The following PC variants were observed in gnomAD, a reference collection of about 807,000 sequenced individuals.
The protein encoded by PC is pyruvate carboxylase, also known as pyruvate carboxylase, mitochondrial.
A neutral mutation model predicts 107.8 loss-of-function variants in PC; 46 were observed. The ratio of observed to expected loss-of-function variants is 0.43; its 90% CI spans 0.34 to 0.55. PC has a LOEUF of 0.55. Ranked by LOEUF, PC falls within the 20% of genes least tolerant of loss-of-function variation. The pLI, the probability that PC is intolerant of heterozygous loss-of-function variation, is 0.04. For missense variants in PC, 1,241 were observed against 1,643.1 expected (o/e 0.76, Z 4.23); for synonymous variants, 662 against 684.7 (o/e 0.97, Z 0.52).
At chr11:66,915,649 C>T (rs1470784365) in intron 3 of PC, among the ~76,000 whole-genome samples, 1 of 152,164 alleles carries the variant, frequency 6.6e-6, no homozygotes, top group Admixed American at 6.5e-5. Context: ...GAGGGGTGTA[C>T]CAGGGCCCTG....
rs1420519270 is a variant in PC at position 66,870,758 on chromosome 11, G to A, written c.751+17C>T. 8.7e-6 allele frequency: 14 copies of A among 1,603,298 alleles called. No individual in the cohort carries two copies. The highest frequency in any genetic ancestry group is 1.2e-5 in the Non-Finnish European group (14 of 1,173,594). ...CCCGCCTCCAGCTGCCCCAGGCGGG[G>A]CGTCAGGACCACTCACCCAAGATCT... On this transcript the variant is annotated intron_variant, in intron 8 of 22. Coordinates refer to ENST00000393960, the MANE Select transcript of PC (RefSeq NM_001040716.2). This position sits in a 1 kb window ranked among gnomAD's most constrained non-coding sequence, Gnocchi z 6.1.
chr11:66,898,800 T>TA (rs557716875), intron 3 of PC, among the ~76,000 whole-genome samples: 680 of 152,326 alleles, frequency 4.5e-3, no homozygotes, highest in Middle Eastern at 0.014. Context: ...CCAACCCCCT[T>TA]AGCTCCCTCA....
intron 3 of PC, among the ~76,000 whole-genome samples, chr11:66,941,972 C>T (rs1019125897): frequency 1.3e-4 from 20 of 151,706 alleles, no homozygotes; most frequent in Non-Finnish European, 1.9e-4. Context: ...TGTGGTGGCA[C>T]ATGCCTGTAA....
chr11:66,863,965 A>G lies in PC; in HGVS notation c.1186-9T>C. On this transcript the variant is annotated splice_polypyrimidine_tract_variant and intron_variant, in intron 11 of 22. Coordinates refer to ENST00000393960, the MANE Select transcript of PC (RefSeq NM_001040716.2). ...TCTCCGCTCCGGAACACCTGTGGGA[A>G]GGGTGAGGCGTGAGGACCTGCGCCA... The G allele has an allele frequency of 6.2e-7, 1 of 1,613,656 alleles. No homozygotes were observed. Among genetic ancestry groups the G allele is most frequent in the Non-Finnish European group, 8.5e-7 (1 of 1,179,996 alleles).
chr11:66,932,018 CAAA>C (rs756391349), intron 3 of PC, among the ~76,000 whole-genome samples: 6 of 59,310 alleles, frequency 1.0e-4, no homozygotes, highest in Non-Finnish European at 1.1e-4. Flanking sequence ...GACTCTGTCT[CAAA>C]AAAAAAAAAA....
chr11:66,876,597 C>T (rs576803277), intron 3 of PC, among the ~76,000 whole-genome samples: 3 of 152,314 alleles, frequency 2.0e-5, no homozygotes, highest in African/African-American at 4.8e-5. Context: ...GCAGGATGAA[C>T]GTCAGACGTT....
intron 3 of PC, among the ~76,000 whole-genome samples, chr11:66,920,157 G>C (rs1279186254): frequency 6.6e-6 from 1 of 152,200 alleles, no homozygotes; most frequent in Non-Finnish European, 1.5e-5. Flanking sequence ...TGGCACAGAG[G>C]AGGGGAGGAG....
In PC at chr11:66,848,836, GC is replaced by G; in HGVS notation, c.*62del. 1 of 1,609,368 alleles carries G rather than the reference GC, an allele frequency of 6.2e-7. No individual in the cohort carries two copies. The highest frequency in any genetic ancestry group is 8.5e-7 in the Non-Finnish European group (1 of 1,178,108). On this transcript the variant is annotated 3_prime_UTR_variant, in exon 23 of 23. Transcript: ENST00000393960. The stretch of plus-strand genomic sequence containing the variant: ...CTCGGGCACTGGCTGGCCTGGGCCT[GC>G]CGTGGCAGCACAGCTTCTGTTGAAG...
At chr11:66,913,675 A>AAG (rs1565283388) in intron 3 of PC, among the ~76,000 whole-genome samples, 1 of 151,386 alleles carries the variant, frequency 6.6e-6, no homozygotes, top group African/African-American at 2.4e-5. Flanking sequence ...AAAAAAAAAA[A>AAG]AAAGAAAGAA....
intron 3 of PC, among the ~76,000 whole-genome samples, chr11:66,872,714 G>A (rs1482000625): frequency 1.3e-5 from 2 of 151,870 alleles, no homozygotes; most frequent in African/African-American, 4.8e-5. Flanking sequence ...CAGCCTGGGC[G>A]ACAGGGCAAG....
intron 3 of PC, among the ~76,000 whole-genome samples, chr11:66,941,138 C>T (rs1372479666): frequency 1.3e-5 from 2 of 148,888 alleles, no homozygotes; most frequent in African/African-American, 2.5e-5. Flanking sequence ...AAATGCAAAT[C>T]CAAACTACAA....
In PC at chr11:66,927,389, C is replaced by T. The variant is rs114730371; in HGVS notation, c.-1+25041G>A. 1.9e-3 allele frequency among the ~76,000 whole-genome samples: 284 copies of T among 150,608 alleles called. 1 individual carries two copies. Among genetic ancestry groups the T allele is most frequent in the African/African-American group, 6.7e-3 (274 of 40,966 alleles). On this transcript the variant is annotated intron_variant, in intron 3 of 22. Coordinates refer to ENST00000393960, the MANE Select transcript of PC (RefSeq NM_001040716.2). ...AAACACACACAGCAGCCCAGGAATG[C>T]GCTGGATGGCAGTAGAAATTTAAAA...
intron 3 of PC, among the ~76,000 whole-genome samples, chr11:66,948,877 T>C (rs1222726282): frequency 6.6e-6 from 1 of 151,868 alleles, no homozygotes; most frequent in South Asian, 2.1e-4. Flanking sequence ...TAAAACGGTA[T>C]AGGAAAGTTT....
At chr11:66,912,870 C>T (rs1203583119) in intron 3 of PC, among the ~76,000 whole-genome samples, 2 of 152,108 alleles carry the variant, frequency 1.3e-5, no homozygotes, top group Admixed American at 6.5e-5. Flanking sequence ...CACCACATTC[C>T]CTTCCTGCCA....
chr11:66,879,363 A>G (rs956804321), intron 3 of PC, among the ~76,000 whole-genome samples: 3 of 152,224 alleles, frequency 2.0e-5, no homozygotes, highest in Non-Finnish European at 4.4e-5. Flanking sequence ...GCTTTTGCCA[A>G]TGCAGAAACC....
At chr11:66,924,425 A>G (rs1948668314) in intron 3 of PC, among the ~76,000 whole-genome samples, 1 of 150,072 alleles carries the variant, frequency 6.7e-6, no homozygotes, top group East Asian at 2.0e-4. Flanking sequence ...TCAATTAAAA[A>G]AAAAGAAAGA....
intron 3 of PC, among the ~76,000 whole-genome samples, chr11:66,941,152 G>GAT (rs1253002630): frequency 6.7e-6 from 1 of 149,266 alleles, no homozygotes; most frequent in Admixed American, 6.7e-5. Context: ...ACTACAATGA[G>GAT]ATATCACCTC....
chr11:66,946,905 CATT>C (rs1445911059), intron 3 of PC, among the ~76,000 whole-genome samples: 1 of 152,162 alleles, frequency 6.6e-6, no homozygotes. Context: ...TGCTCAACAT[CATT>C]ATCATTAGGA....
At chr11:66,853,215 G>A (rs564457894) in intron 13 of PC, 24 bp downstream of exon 13, 1 of 1,612,046 alleles carries the variant, frequency 6.2e-7, no homozygotes, top group Non-Finnish European at 8.5e-7. Flanking sequence ...GGGGAGGGCA[G>A]GGCAGGGCAG....
Sources: gnomAD v4.1 joint callset for allele counts (sites outside exome capture counted in the v4.1 genomes callset) on GRCh38, gnomAD v4.1.1 for gene constraint, Gnocchi (gnomAD v3.1) non-coding constraint, MANE v1.5 for transcripts, NCBI Gene and HGNC (gene_info 2026-07-23, HGNC 2026-07-21) for gene names.